Variants in FAIM2 observed in about 807,000 individuals in gnomAD.
FAIM2 encodes protein lifeguard 2.
FAIM2 carries 27 observed loss-of-function variants against 47.4 expected under a neutral mutation model. The ratio of observed to expected loss-of-function variants is 0.57; its 90% CI spans 0.42 to 0.78. The LOEUF (loss-of-function observed/expected upper bound fraction) is 0.78, where lower values mean the gene tolerates loss of function less well. FAIM2 is among the 30% of genes least tolerant of loss of function. FAIM2 has a pLI of 0.00. For missense variants in FAIM2, 311 were observed against 389.4 expected (o/e 0.80, Z 1.69); for synonymous variants, 156 against 159.3 (o/e 0.98, Z 0.16).
Position 49,878,553 on chromosome 12 carries a change from T to C in FAIM2, c.802-7900A>G, listed in dbSNP as rs920616728. On this transcript the variant is annotated intron_variant, in intron 11 of 11. Coordinates refer to ENST00000320634, the MANE Select transcript of FAIM2 (RefSeq NM_012306.4). Reference sequence around the variant, plus strand: ...ATGTGCATGTGTATATGTGCGTGCATGTGTGAGTGTATATGTTCATGTGTA... The same window carrying C: ...ATGTGCATGTGTATATGTGCGTGCACGTGTGAGTGTATATGTTCATGTGTA... Among the ~76,000 whole-genome samples, 66 of 60,562 alleles carry C rather than the reference T, an allele frequency of 1.1e-3. 13 individuals carry two copies. The highest frequency in any genetic ancestry group is 9.1e-4 in the Non-Finnish European group (31 of 34,072). 39.7% of individuals were successfully genotyped at this position (60,562 alleles called of 152,430 possible).
At chr12:49,900,533 C>A (rs146090328) in intron 2 of FAIM2, among the ~76,000 whole-genome samples, 25 of 152,218 alleles carry the variant, frequency 1.6e-4, no homozygotes, top group African/African-American at 6.0e-4. Context: ...GTGGGGGACA[C>A]TGAGGCTGGA....
rs1565610336 is a variant in FAIM2, at chr12:49,869,099, C to T, written c.*1405G>A. 6.6e-6 allele frequency: 1 copy of T among 152,520 alleles called. No homozygotes were observed. The highest frequency in any genetic ancestry group is 2.1e-4 in the South Asian group (1 of 4,838). The allele number at this position is 152,520 out of a possible 1,614,324, so 9.4% of individuals were successfully genotyped here. A position where few individuals can be genotyped will look rare whatever the true frequency, so the allele number is the denominator to read the frequency against. On this transcript the variant is annotated 3_prime_UTR_variant, in exon 12 of 12. Transcript: ENST00000320634. ...CTTCCTGTATCCACACAGTAACTTT[C>T]CACTGGCCTGGAGTTGGCCACTGCA...
chr12:49,880,044 A>ATG (rs143124426), intron 11 of FAIM2, among the ~76,000 whole-genome samples: 97,556 of 148,068 alleles, frequency 0.66, 28,159 homozygotes, highest in East Asian at 0.73. Flanking sequence ...GTGTATATGC[A>ATG]TGTGTATATA....
At chr12:49,876,737 T>A (rs1471721661) in intron 11 of FAIM2, among the ~76,000 whole-genome samples, 1 of 151,630 alleles carries the variant, frequency 6.6e-6, no homozygotes, top group Non-Finnish European at 1.5e-5. Context: ...GAGCCACTGC[T>A]CTCCAGCCTG....
At chr12:49,887,505 A>G in intron 10 of FAIM2, 66 bp from the exon 11 acceptor site, 1 of 1,398,034 alleles carries the variant, frequency 7.2e-7, no homozygotes, top group Middle Eastern at 1.8e-4. Context: ...GGCAGGGAGG[A>G]GGGTTCAGTC....
intron 2 of FAIM2, chr12:49,900,249 C>A: frequency 7.8e-7 from 1 of 1,281,508 alleles, no homozygotes; most frequent in Non-Finnish European, 1.0e-6. Flanking sequence ...ATGGTGGCTA[C>A]TCCCTATGAG....
At chr12:49,900,899 C>T (rs1167369951) in intron 2 of FAIM2, among the ~76,000 whole-genome samples, 1 of 152,204 alleles carries the variant, frequency 6.6e-6, no homozygotes, top group Non-Finnish European at 1.5e-5. Context: ...AAAAAATGCC[C>T]TCTTCCCTAT....
At position 49,868,989 on chromosome 12, in the gene FAIM2, C is replaced by T. The variant is rs1946682944; in HGVS notation, c.*1515G>A. On this transcript the variant is annotated 3_prime_UTR_variant, in exon 12 of 12. Transcript: ENST00000320634. ...GGAACAGCACACCTCGTCTCCCTTC[C>T]CAAGGCAGACGGAGCTCCCAGCACA... The T allele has an allele frequency of 6.6e-6, 1 of 152,416 alleles. No individual in the cohort carries two copies. 9.4% of individuals were successfully genotyped at this position (152,416 alleles called of 1,614,324 possible). A position where few individuals can be genotyped will look rare whatever the true frequency, so the allele number is the denominator to read the frequency against.
rs374323035 is a variant in FAIM2 at position 49,889,213 on chromosome 12, A to G, written c.652-11T>C. ...GGAGGTGAAGTCGAACTGTGGGGAC[A>G]GGATGGGGTTAGCTGCAGGAGCGGC... On this transcript the variant is annotated splice_polypyrimidine_tract_variant and intron_variant, in intron 9 of 11. Coordinates refer to ENST00000320634, the MANE Select transcript of FAIM2 (RefSeq NM_012306.4). 3.1e-6 allele frequency: 5 copies of G among 1,603,776 alleles called. No homozygotes were observed. The Admixed American group carries it at 5.1e-5, about 16-fold the overall frequency.
intron 5 of FAIM2, among the ~76,000 whole-genome samples, chr12:49,893,526 C>G (rs1239137741): frequency 6.6e-6 from 1 of 152,194 alleles, no homozygotes; most frequent in Non-Finnish European, 1.5e-5. Flanking sequence ...TGACCCGGAG[C>G]TTGGTGCCTG....
chr12:49,887,112 G>A (rs1401253141), intron 11 of FAIM2, among the ~76,000 whole-genome samples: 2 of 152,136 alleles, frequency 1.3e-5, no homozygotes, highest in Admixed American at 6.5e-5. Context: ...TCCCCTGGAG[G>A]AAGGGATGCC....
chr12:49,893,040 T>G (rs553769383), intron 5 of FAIM2, among the ~76,000 whole-genome samples: 8 of 152,232 alleles, frequency 5.3e-5, no homozygotes, highest in Admixed American at 1.3e-4. Context: ...CCCTCTTCCC[T>G]CCACCCCACT....
chr12:49,893,273 C>T (rs1205027167), intron 5 of FAIM2, among the ~76,000 whole-genome samples: 3 of 152,206 alleles, frequency 2.0e-5, no homozygotes, highest in Non-Finnish European at 4.4e-5. Flanking sequence ...CACTACACCC[C>T]TCTCATCACA....
chr12:49,891,067 G>A lies in FAIM2; in HGVS notation c.482C>T (p.Pro161Leu). 1 of 1,614,034 alleles carries A rather than the reference G, an allele frequency of 6.2e-7. No homozygotes were observed. The highest frequency in any genetic ancestry group is 1.3e-5 in the African/African-American group (1 of 75,018). The change falls in exon 6 of 12, where the codon CCC (proline) becomes CTC (leucine). Residue 161 changes from proline (P) to leucine (L), a missense_variant. Physicochemically the swap from Pro to Leu is moderately conservative, Grantham distance 98. Coordinates refer to ENST00000320634, the MANE Select transcript of FAIM2 (RefSeq NM_012306.4). ...TYLTLACCSG[P>L]RRHFPWNLIL... ...CCTCCTCAAGCCATTAGCATACCTGGGTCCAGAACAGCAAGCCAGGGTCAG... is the reference window on the plus strand; with the variant it reads ...CCTCCTCAAGCCATTAGCATACCTGAGTCCAGAACAGCAAGCCAGGGTCAG...
chr12:49,892,506 C>T (rs1016277339), intron 5 of FAIM2, among the ~76,000 whole-genome samples: 2 of 152,218 alleles, frequency 1.3e-5, no homozygotes, highest in Non-Finnish European at 2.9e-5. Context: ...TGCCACATCA[C>T]AGGACCTTAT....
At chr12:49,887,873 T>C (rs114544516) in intron 10 of FAIM2, among the ~76,000 whole-genome samples, 1,573 of 151,992 alleles carry the variant, frequency 0.01, 22 homozygotes, top group African/African-American at 0.036. Context: ...GGAACTCAGG[T>C]AGAAGGGGAC....
rs1253135442 is a variant in FAIM2 at position 49,874,350 on chromosome 12, G to A, written c.802-3697C>T. Among the ~76,000 whole-genome samples the A allele has an allele frequency of 6.6e-6, 1 of 152,002 alleles. No individual in the cohort carries two copies. The highest frequency in any genetic ancestry group is 1.5e-5 in the Non-Finnish European group (1 of 68,040). Reference sequence around the variant, plus strand: ...CTCATGGTCTTACATGAGGAAAGGAGTCTGAGAGCTGAGTGACTTGCTGAT... The same window carrying A: ...CTCATGGTCTTACATGAGGAAAGGAATCTGAGAGCTGAGTGACTTGCTGAT... On this transcript the variant is annotated intron_variant, in intron 11 of 11. Transcript: ENST00000320634. The surrounding 1 kb of genome is among the most constrained non-coding windows in gnomAD (Gnocchi z 4.2).
intron 11 of FAIM2, among the ~76,000 whole-genome samples, chr12:49,879,482 ATG>A (rs1455419980): frequency 3.1e-4 from 3 of 9,826 alleles, no homozygotes; most frequent in Non-Finnish European, 4.6e-4. Flanking sequence ...GTGTATGTGC[ATG>A]TGAGTGTATG....
intron 11 of FAIM2, among the ~76,000 whole-genome samples, chr12:49,872,435 C>T (rs1248061853): frequency 6.6e-6 from 1 of 152,202 alleles, no homozygotes; most frequent in Non-Finnish European, 1.5e-5. Flanking sequence ...TTGGGGCTTG[C>T]CCTTGCAGCT....
Sources: gnomAD v4.1 joint callset for allele counts (sites outside exome capture counted in the v4.1 genomes callset) on GRCh38, gnomAD v4.1.1 for gene constraint, Gnocchi (gnomAD v3.1) non-coding constraint, MANE v1.5 for transcripts, NCBI Gene and HGNC (gene_info 2026-07-23, HGNC 2026-07-21) for gene names.